The following ILKAP variants were observed in gnomAD, a reference collection of about 807,000 sequenced individuals.
ILKAP encodes ILK associated serine/threonine phosphatase, also known as integrin-linked kinase-associated serine/threonine phosphatase 2C.
Under a neutral mutation model 49.1 loss-of-function variants are expected in ILKAP, and 11 were observed. The ratio of observed to expected loss-of-function variants is 0.22; its 90% CI spans 0.14 to 0.37. ILKAP has a LOEUF of 0.37. Among genes scored for constraint, ILKAP ranks in the 10% least tolerant of loss-of-function variants. ILKAP has a pLI of 1.00. For synonymous variants in ILKAP, 186 were observed against 192.8 expected, an observed-to-expected ratio of 0.96 and a Z score of 0.29; for missense variants, 363 against 510.8, an observed-to-expected ratio of 0.71 and a Z score of 2.79.
chr2:238,184,087 C>G lies in ILKAP; in HGVS notation c.559G>C (p.Val187Leu), dbSNP rs764544569. The G allele has an allele frequency of 3.7e-6, 6 of 1,606,236 alleles. No individual in the cohort carries two copies. The highest frequency in any genetic ancestry group is 1.3e-5 in the African/African-American group (1 of 74,754). The change falls in exon 7 of 12, where the codon GTG (valine) becomes CTG (leucine). Residue 187 changes from valine (V) to leucine (L), a missense_variant. Physicochemically the swap from Val to Leu is conservative, Grantham distance 32. Transcript: ENST00000254654. ...AAAGTGTCCAAAAGGCATCTCTTCA[C>G]GGTTTTCTCTACACTGATTACATCT... ...KGDVISVEKT[V>L]KRCLLDTFKH...
chr2:238,173,054 T>C (rs1231711936), intron 10 of ILKAP, among the ~76,000 whole-genome samples: 1 of 152,162 alleles, frequency 6.6e-6, no homozygotes, highest in Non-Finnish European at 1.5e-5. Context: ...TAAAAACCTA[T>C]GATTCTCCAC....
chr2:238,173,300 C>A (rs1188698568), intron 10 of ILKAP, among the ~76,000 whole-genome samples: 1 of 152,178 alleles, frequency 6.6e-6, no homozygotes, highest in Non-Finnish European at 1.5e-5. Flanking sequence ...CCAAAGACCC[C>A]AGCACACAGC....
chr2:238,195,477 G>A (rs1328605560), intron 1 of ILKAP, among the ~76,000 whole-genome samples: 2 of 152,154 alleles, frequency 1.3e-5, no homozygotes, highest in Admixed American at 6.5e-5. Context: ...AGAAAGTCAC[G>A]AAACTCTTTT....
chr2:238,196,355 C>T (rs558971761), intron 1 of ILKAP, among the ~76,000 whole-genome samples: 5 of 151,842 alleles, frequency 3.3e-5, no homozygotes, highest in East Asian at 1.9e-4. Flanking sequence ...CCTCCCAAAG[C>T]GCTGGGATTA....
intron 9 of ILKAP, among the ~76,000 whole-genome samples, chr2:238,175,651 C>T (rs1693418591): frequency 6.6e-6 from 1 of 152,192 alleles, no homozygotes; most frequent in Non-Finnish European, 1.5e-5. Flanking sequence ...TAAATCCATG[C>T]CACCTCTGTT....
intron 10 of ILKAP, 21 bp from the exon 11 acceptor site, chr2:238,171,045 AT>A (rs2106324045): frequency 6.3e-7 from 1 of 1,594,532 alleles, no homozygotes; most frequent in East Asian, 2.2e-5. Flanking sequence ...AGGGAGAAAT[AT>A]AAACGGGTTT....
Position 238,182,050 on chromosome 2 carries a change from C to A in ILKAP, c.836+15G>T. The A allele has an allele frequency of 6.2e-7, 1 of 1,612,568 alleles. No individual in the cohort carries two copies. Among genetic ancestry groups the A allele is most frequent in the South Asian group, 1.1e-5 (1 of 91,000 alleles). ...AGCCCTCCTTCCCATGAGCTCCTCT[C>A]AGTCCCTTGGTTACCTGACGTTTCC... On this transcript the variant is annotated intron_variant, in intron 9 of 11. Transcript: ENST00000254654.
chr2:238,193,316 G>C (rs1415342427), intron 3 of ILKAP, among the ~76,000 whole-genome samples: 1 of 152,080 alleles, frequency 6.6e-6, no homozygotes, highest in African/African-American at 2.4e-5. Context: ...TGCCTCCTGG[G>C]TTCAAGCGAC....
chr2:238,192,218 A>C (rs1694159132), intron 3 of ILKAP, among the ~76,000 whole-genome samples: 1 of 149,476 alleles, frequency 6.7e-6, no homozygotes, highest in Admixed American at 6.7e-5. Flanking sequence ...AAAAAAAAAG[A>C]AAAAGAAAAA....
chr2:238,195,278 T>C (rs1328941867), intron 1 of ILKAP, among the ~76,000 whole-genome samples: 3 of 152,058 alleles, frequency 2.0e-5, no homozygotes, highest in South Asian at 2.1e-4. Context: ...GTTCAGAAAT[T>C]TGGGGTGGGG....
At chr2:238,190,914 G>T (rs1694095879) in intron 3 of ILKAP, among the ~76,000 whole-genome samples, 1 of 138,754 alleles carries the variant, frequency 7.2e-6, no homozygotes, top group East Asian at 2.2e-4. Flanking sequence ...AAGGATGCAA[G>T]TACTTATTTA....
At position 238,193,512 on chromosome 2, in the gene ILKAP, C is replaced by T. The variant is rs145606223; in HGVS notation, c.178+763G>A. On this transcript the variant is annotated intron_variant, in intron 3 of 11. Transcript: ENST00000254654. ...CTGGGATTATAGGCGTGAGCCACCACGCCCAGCCAGAACATATTAACTTTC... is the reference window on the plus strand; with the variant it reads ...CTGGGATTATAGGCGTGAGCCACCATGCCCAGCCAGAACATATTAACTTTC... Among the ~76,000 whole-genome samples the T allele has an allele frequency of 1.4e-3, 210 of 152,352 alleles. 1 individual carries two copies. The highest frequency in any genetic ancestry group is 4.4e-3 in the African/African-American group (185 of 41,586).
intron 7 of ILKAP, 67 bp downstream of exon 7, chr2:238,183,953 G>A (rs1461042623): frequency 9.1e-7 from 1 of 1,100,702 alleles, no homozygotes; most frequent in Non-Finnish European, 1.4e-6. Context: ...CACATCAGAA[G>A]ACTGAAATGC....
Position 238,173,295 on chromosome 2 carries a change from G to A in ILKAP, c.956+239C>T, listed in dbSNP as rs1396285356. Among the ~76,000 whole-genome samples the A allele has an allele frequency of 2.6e-5, 4 of 152,030 alleles. No individual in the cohort carries two copies. In the South Asian group the frequency reaches 8.3e-4, roughly 32 times the overall value. On this transcript the variant is annotated intron_variant, in intron 10 of 11. Coordinates refer to ENST00000254654, the MANE Select transcript of ILKAP (RefSeq NM_030768.3). Reference sequence around the variant, plus strand: ...GATAACCCCTTCCCCTACTGCCAAAGACCCCAGCACACAGCACATGCCTAG... The same window carrying A: ...GATAACCCCTTCCCCTACTGCCAAAAACCCCAGCACACAGCACATGCCTAG...
At chr2:238,192,358 T>C (rs977775427) in intron 3 of ILKAP, among the ~76,000 whole-genome samples, 1 of 152,218 alleles carries the variant, frequency 6.6e-6, no homozygotes, top group African/African-American at 2.4e-5. Context: ...GCTTATTTTA[T>C]GGCTTAGTAC....
chr2:238,199,884 G>A (rs929890112), intron 1 of ILKAP, among the ~76,000 whole-genome samples: 2 of 151,298 alleles, frequency 1.3e-5, no homozygotes, highest in African/African-American at 4.9e-5. Flanking sequence ...CAAAGCGCTG[G>A]GATTACAAGT....
At chr2:238,203,409 C>T in intron 1 of ILKAP, 90 bp downstream of exon 1, 1 of 547,190 alleles carries the variant, frequency 1.8e-6, no homozygotes, top group Non-Finnish European at 2.4e-6. Flanking sequence ...CCTCCCAGCG[C>T]GGGCGCCGCC....
At chr2:238,177,355 T>A (rs1693505583) in intron 9 of ILKAP, among the ~76,000 whole-genome samples, 1 of 152,210 alleles carries the variant, frequency 6.6e-6, no homozygotes, top group Non-Finnish European at 1.5e-5. Flanking sequence ...TAACCATTTT[T>A]AAGTGTACAG....
chr2:238,177,391 C>T (rs538916501), intron 9 of ILKAP, among the ~76,000 whole-genome samples: 1 of 152,262 alleles, frequency 6.6e-6, no homozygotes, highest in African/African-American at 2.4e-5. Context: ...TATATTCACA[C>T]TGTTGTGTTA....
Sources: gnomAD v4.1 joint callset for allele counts (sites outside exome capture counted in the v4.1 genomes callset) on GRCh38, gnomAD v4.1.1 for gene constraint, MANE v1.5 for transcripts, NCBI Gene and HGNC (gene_info 2026-07-23, HGNC 2026-07-21) for gene names.